ZNF654: variants seen among roughly 807,000 people sequenced by gnomAD.
The protein encoded by ZNF654 is zinc finger protein 654, also known as melanoma-associated antigen.
In ZNF654, 19 loss-of-function variants were observed where a neutral mutation model predicts 95.3. The ratio of observed to expected loss-of-function variants is 0.20; its 90% confidence interval spans 0.14 to 0.29. ZNF654 has a LOEUF of 0.29. Among genes scored for constraint, ZNF654 ranks in the 10% least tolerant of loss-of-function variants. The pLI is 1.00. For missense variants in ZNF654, 1,046 were observed against 1,341.0 expected, an observed-to-expected ratio of 0.78 and a Z score of 3.44; for synonymous variants, 413 against 457.9, an observed-to-expected ratio of 0.90 and a Z score of 1.25.
chr3:88,129,053 T>TACCAAAAAAAA, intron 5 of ZNF654, 42 bp downstream of exon 5: 1 of 1,370,616 alleles, frequency 7.3e-7, no homozygotes, highest in Non-Finnish European at 9.6e-7. Context: ...ATTTTAACCC[T>TACCAAAAAAAA]ACCAAAAAAA....
chr3:88,105,263 G>A (rs1032285675), intron 2 of ZNF654, among the ~76,000 whole-genome samples: 1 of 142,160 alleles, frequency 7.0e-6, no homozygotes, highest in Non-Finnish European at 1.5e-5. Flanking sequence ...TAGATAAACA[G>A]ATACATACAT....
rs939189263 is a variant in ZNF654 at position 88,143,325 on chromosome 3, T to C, written c.*1673T>C. On this transcript the variant is annotated 3_prime_UTR_variant, in exon 9 of 9. Coordinates refer to ENST00000636215, the MANE Select transcript of ZNF654 (RefSeq NM_001350134.2). ...TCCAAATTTAAATTTGTTTCTGTTATGTAGCCTATATTAGGCTGTGGAATT... is the reference window on the plus strand; with the variant it reads ...TCCAAATTTAAATTTGTTTCTGTTACGTAGCCTATATTAGGCTGTGGAATT... 3.9e-5 allele frequency: 6 copies of C among 152,266 alleles called. No individual in the cohort carries two copies. Among genetic ancestry groups the C allele is most frequent in the African/African-American group, 1.4e-4 (6 of 41,424 alleles). 9.4% of individuals were successfully genotyped at this position (152,266 alleles called of 1,614,324 possible).
In ZNF654 at chr3:88,143,995, A is replaced by T. The variant is rs1209268421; in HGVS notation, c.*2343A>T. On this transcript the variant is annotated 3_prime_UTR_variant, in exon 9 of 9. Transcript: ENST00000636215. ...AGGAAGCTTGCTTCTTATTCCTCAG[A>T]TTCTTCTTTTTTTCTGTTTTGAGGA... 2 of 152,318 alleles carry T rather than the reference A, an allele frequency of 1.3e-5. No homozygotes were observed. Among genetic ancestry groups the T allele is most frequent in the Non-Finnish European group, 2.9e-5 (2 of 67,810 alleles). 9.4% of individuals were successfully genotyped at this position (152,318 alleles called of 1,614,324 possible).
intron 4 of ZNF654, among the ~76,000 whole-genome samples, chr3:88,127,456 A>AG (rs1706182734): frequency 6.6e-6 from 1 of 150,392 alleles, no homozygotes; most frequent in East Asian, 2.0e-4. Context: ...TAAAAAAAAA[A>AG]CTAAAAGGGA....
rs373818140 is a variant in ZNF654 at position 88,097,853 on chromosome 3, A to G, written c.332+11451A>G. 3.9e-5 allele frequency among the ~76,000 whole-genome samples: 6 copies of G among 152,332 alleles called. No homozygotes were observed. The South Asian group carries it at 1.0e-3, about 26-fold the overall frequency. ...AAGCAGTGTGTAGAGGGAAATTTAT[A>G]GCACTAAATGCCCACAAGAGAAAGC... On this transcript the variant is annotated intron_variant, in intron 2 of 8. Transcript: ENST00000636215.
intron 1 of ZNF654, among the ~76,000 whole-genome samples, chr3:88,068,623 ATTGGAATGC>A (rs1396092271): frequency 6.6e-6 from 1 of 152,206 alleles, no homozygotes; most frequent in Admixed American, 6.5e-5. Context: ...GGAAGCTATT[ATTGGAATGC>A]TTTATATATG....
intron 7 of ZNF654, 87 bp from the exon 8 acceptor site, chr3:88,138,608 CAGCTTTCATT>C: frequency 1.4e-6 from 1 of 689,840 alleles, no homozygotes; most frequent in Non-Finnish European, 2.0e-6. Context: ...TATGTTTATT[CAGCTTTCATT>C]TTAAGAGTTG....
At chr3:88,106,880 C>G (rs1463948622) in intron 2 of ZNF654, among the ~76,000 whole-genome samples, 2 of 152,000 alleles carry the variant, frequency 1.3e-5, no homozygotes, top group African/African-American at 4.8e-5. Flanking sequence ...GAATTTTTCC[C>G]TGATTTGAGA....
intron 1 of ZNF654, among the ~76,000 whole-genome samples, chr3:88,068,873 C>T (rs1173761905): frequency 2.6e-5 from 4 of 152,044 alleles, no homozygotes; most frequent in Admixed American, 2.6e-4. Context: ...CAGCCAAAAG[C>T]CAGCCCGTGC....
chr3:88,118,698 A>G (rs1410319529), intron 3 of ZNF654, among the ~76,000 whole-genome samples: 2 of 152,116 alleles, frequency 1.3e-5, no homozygotes, highest in African/African-American at 4.8e-5. Flanking sequence ...AAAGAAAACA[A>G]CCATATCAGC....
intron 1 of ZNF654, among the ~76,000 whole-genome samples, chr3:88,069,558 A>G (rs1204729381): frequency 7.9e-5 from 12 of 152,224 alleles, no homozygotes; most frequent in Non-Finnish European, 1.2e-4. Flanking sequence ...ACTACACAAA[A>G]CAGGACAATG....
At chr3:88,082,443 A>G (rs766286767) in intron 1 of ZNF654, among the ~76,000 whole-genome samples, 1 of 152,180 alleles carries the variant, frequency 6.6e-6, no homozygotes. Context: ...AGTTTTTAAA[A>G]GTGGCTGGAT....
intron 2 of ZNF654, among the ~76,000 whole-genome samples, chr3:88,097,903 T>G (rs1375689763): frequency 1.3e-5 from 2 of 152,138 alleles, no homozygotes; most frequent in Non-Finnish European, 2.9e-5. Flanking sequence ...ATTGACACCC[T>G]AATATCACAA....
chr3:88,059,812 C>A (rs1706747332), intron 1 of ZNF654, among the ~76,000 whole-genome samples: 1 of 152,136 alleles, frequency 6.6e-6, no homozygotes, highest in Non-Finnish European at 1.5e-5. Context: ...CCAAACAGAC[C>A]TTCCTGCCCG....
At position 88,140,521 on chromosome 3, in the gene ZNF654, C is replaced by T. The variant is rs1707057351; in HGVS notation, c.2852C>T (p.Ser951Leu). Residue 951 changes from serine (S) to leucine (L), a missense_variant, in exon 8 of 9, where the codon TCA becomes TTA. Physicochemically the swap from Ser to Leu is moderately radical, Grantham distance 145 (BLOSUM62 -2). Coordinates refer to ENST00000636215, the MANE Select transcript of ZNF654 (RefSeq NM_001350134.2). ...NGNERSDDTV[S>L]NISLIDQKMP... ...AACGAACGTTCTGATGACACTGTTT[C>T]AAATATAAGCTTGATAGACCAAAAG... 1 of 1,613,570 alleles carries T rather than the reference C, an allele frequency of 6.2e-7. No individual in the cohort carries two copies. The highest frequency in any genetic ancestry group is 8.5e-7 in the Non-Finnish European group (1 of 1,179,736).
chr3:88,141,044 T>C lies in ZNF654; in HGVS notation c.3375T>C (p.Asp1125=), dbSNP rs376086656. Residue 1125 remains aspartate (D), a synonymous_variant, in exon 8 of 9, where the codon GAT becomes GAC. Coordinates refer to ENST00000636215, the MANE Select transcript of ZNF654 (RefSeq NM_001350134.2). The stretch of plus-strand genomic sequence containing the variant: ...CACTCTTTGGATTTGATTCAGATGA[T>C]GAAAGTAAGTCTTCTGTCTTCTTAG... ...CQTLFGFDSD[D]ESA 1.3e-6 allele frequency: 2 copies of C among 1,590,314 alleles called. No homozygotes were observed. Among genetic ancestry groups the C allele is most frequent in the East Asian group, 2.2e-5 (1 of 44,778 alleles).
intron 2 of ZNF654, among the ~76,000 whole-genome samples, chr3:88,092,748 AAT>A (rs1349657435): frequency 6.6e-6 from 1 of 152,204 alleles, no homozygotes; most frequent in Non-Finnish European, 1.5e-5. Flanking sequence ...TTACAAATAA[AAT>A]ATGTTATATG....
intron 1 of ZNF654, among the ~76,000 whole-genome samples, chr3:88,079,524 T>G (rs917113700): frequency 1.3e-5 from 2 of 152,078 alleles, no homozygotes; most frequent in African/African-American, 4.8e-5. Flanking sequence ...TGAAGAATTT[T>G]CTAATAAAGT....
At chr3:88,086,794 T>TC (rs1708356959) in intron 2 of ZNF654, among the ~76,000 whole-genome samples, 1 of 152,162 alleles carries the variant, frequency 6.6e-6, no homozygotes, top group African/African-American at 2.4e-5. Context: ...GTTGTTTTGT[T>TC]CTTTTTGAGA....
Sources: allele counts gnomAD v4.1 joint callset (sites outside exome capture counted in the v4.1 genomes callset), GRCh38; gene constraint gnomAD v4.1.1; transcripts MANE v1.5; gene names NCBI Gene and HGNC (gene_info 2026-07-23, HGNC 2026-07-21).